POGZ: variants seen among roughly 807,000 people sequenced by gnomAD.
The protein encoded by POGZ is pogo transposable element with ZNF domain.
A neutral mutation model predicts 134.6 loss-of-function variants in POGZ; 17 were observed. That is an observed-to-expected ratio of 0.13 (90% CI 0.09 to 0.19). POGZ has a LOEUF of 0.19. Ranked by LOEUF, POGZ falls within the 10% of genes least tolerant of loss-of-function variation. The pLI is 1.00. For missense variants in POGZ, 1,306 were observed against 1,769.7 expected, an observed-to-expected ratio of 0.74 and a Z score of 4.70; for synonymous variants, 693 against 657.1, an observed-to-expected ratio of 1.05 and a Z score of -0.84.
At position 151,414,847 on chromosome 1, in the gene POGZ, A is replaced by T. The variant is rs550433891; in HGVS notation, c.1679-2451T>A. ...AAACTAGTGAGGTAGGAACTCAAAT[A>T]TAAGGGGATTTAAGAGATCTCTGGT... On this transcript the variant is annotated intron_variant, in intron 10 of 18. Transcript: ENST00000271715. Among the ~76,000 whole-genome samples, 63 of 152,334 alleles carry T rather than the reference A, an allele frequency of 4.1e-4. 2 individuals carry two copies. In the South Asian group the frequency reaches 0.013, roughly 31 times the overall value.
chr1:151,411,811 T>C (rs199610918), intron 11 of POGZ, 40 bp from the exon 12 acceptor site: 14 of 1,553,224 alleles, frequency 9.0e-6, no homozygotes, highest in Admixed American at 6.0e-5. Context: ...AAGAATGAAG[T>C]GAACAACTGA....
In POGZ at chr1:151,405,803, G is replaced by T; in HGVS notation, c.3232C>A (p.Arg1078=). ...CGGGCATGGGGAGTCAGGTGGTGCC[G>T]CAGCATGAAACGCACAGCCCACTCA... ...SYEWAVRFML[R]HHLTPHARRA... Residue 1078 remains arginine, a synonymous_variant, in exon 19 of 19, where the codon CGG becomes AGG. Transcript: ENST00000271715. This position sits in a 1 kb window ranked among gnomAD's most constrained non-coding sequence, Gnocchi z 4.9. 3 of 1,614,150 alleles carry T rather than the reference G, an allele frequency of 1.9e-6. No homozygotes were observed. Among genetic ancestry groups the T allele is most frequent in the Non-Finnish European group, 2.5e-6 (3 of 1,180,026 alleles).
At chr1:151,427,498 T>G in intron 7 of POGZ, 1 of 307,324 alleles carries the variant, frequency 3.3e-6, no homozygotes, top group South Asian at 3.3e-5. Flanking sequence ...ATTCTCAACC[T>G]GAAGATCTCT....
At chr1:151,457,230 C>G (rs1423911788) in intron 1 of POGZ, among the ~76,000 whole-genome samples, 1 of 152,186 alleles carries the variant, frequency 6.6e-6, no homozygotes, top group East Asian at 1.9e-4. Context: ...GTTTGAGATA[C>G]ACCACCAACA....
At position 151,424,998 on chromosome 1, in the gene POGZ, T is replaced by C; in HGVS notation, c.1142A>G (p.Asn381Ser). ...AGCTTCAGTAACACGAAATTGAGCA[T>C]TACATCGTGGACATATTTTCCGTCC... ...DGGRKICPRC[N>S]AQFRVTEALR... The change falls in exon 8 of 19, where the codon AAT (asparagine) becomes AGT (serine). Residue 381 changes from asparagine (N) to serine (S), a missense_variant. Physicochemically the swap from Asn to Ser is conservative, Grantham distance 46 (BLOSUM62 1). This residue lies in a region of POGZ where 541 missense variants were observed against 680.5 expected (regional missense o/e 0.80). Transcript: ENST00000271715. 6.3e-7 allele frequency: 1 copy of C among 1,599,014 alleles called. No homozygotes were observed. Among genetic ancestry groups the C allele is most frequent in the Non-Finnish European group, 8.5e-7 (1 of 1,169,852 alleles).
chr1:151,404,892 A>C lies in POGZ; in HGVS notation c.4143T>G (p.Pro1381=). 1 of 1,614,190 alleles carries C rather than the reference A, an allele frequency of 6.2e-7. No individual in the cohort carries two copies. Among genetic ancestry groups the C allele is most frequent in the Non-Finnish European group, 8.5e-7 (1 of 1,180,038 alleles). The stretch of plus-strand genomic sequence containing the variant: ...CCTCAAAGAGCTGGTGAAGACTTTC[A>C]GGCTCAATTGTCTCTTCAGGAGATG... The part of the protein sequence containing the change: ...PRSSPEETIE[P]ESLHQLFEGE... Residue 1381 remains proline (P), a synonymous_variant, in exon 19 of 19, where the codon CCT becomes CCG. Coordinates refer to ENST00000271715, the MANE Select transcript of POGZ (RefSeq NM_015100.4).
rs957866934 is a variant in POGZ at position 151,440,791 on chromosome 1, G to A, written c.283+137C>T. ...CTACAGAAATCACTTCCGTATCAGA[G>A]AATCATTACTAAATTCATTTTCCAA... is the stretch of plus-strand genomic sequence containing the variant. On this transcript the variant is annotated intron_variant, in intron 3 of 18. Transcript: ENST00000271715. 24 of 670,432 alleles carry A rather than the reference G, an allele frequency of 3.6e-5. No homozygotes were observed. The Middle Eastern group carries it at 1.1e-3, about 30-fold the overall frequency. 41.5% of individuals were successfully genotyped at this position (670,432 alleles called of 1,614,324 possible). A position where few individuals can be genotyped will look rare whatever the true frequency, so the allele number is the denominator to read the frequency against.
Position 151,447,967 on chromosome 1 carries a change from G to C in POGZ, c.-1-5762C>G, listed in dbSNP as rs7522402. Among the ~76,000 whole-genome samples, 1,348 of 152,032 alleles carry C rather than the reference G, an allele frequency of 8.9e-3. 22 individuals are homozygous for C. Among genetic ancestry groups the C allele is most frequent in the African/African-American group, 0.031 (1,287 of 41,454 alleles). On this transcript the variant is annotated intron_variant, in intron 1 of 18. Coordinates refer to ENST00000271715, the MANE Select transcript of POGZ (RefSeq NM_015100.4). ...CTTATCTCATATATTTCCTGCCCCA[G>C]ACCTAGAACCAACCATTTCTTCAAG...
chr1:151,453,495 A>C (rs1662394724), intron 1 of POGZ, among the ~76,000 whole-genome samples: 1 of 150,578 alleles, frequency 6.6e-6, no homozygotes, highest in Non-Finnish European at 1.5e-5. Context: ...AGACATAGCA[A>C]AATAGTTAAA....
intron 12 of POGZ, among the ~76,000 whole-genome samples, chr1:151,409,853 G>A (rs1654356558): frequency 6.6e-6 from 1 of 152,212 alleles, no homozygotes; most frequent in East Asian, 1.9e-4. Flanking sequence ...TGAGGATTCA[G>A]TCTGCCTAGT....
At chr1:151,441,963 T>G (rs1660604726) in intron 2 of POGZ, 118 bp downstream of exon 2, 1 of 672,222 alleles carries the variant, frequency 1.5e-6, no homozygotes, top group Non-Finnish European at 2.5e-6. Context: ...CACCAGTGAG[T>G]GCCACAACGA....
intron 10 of POGZ, 32 bp from the exon 11 acceptor site, chr1:151,412,428 T>G: frequency 8.1e-7 from 1 of 1,235,386 alleles, no homozygotes; most frequent in Non-Finnish European, 1.2e-6. Flanking sequence ...ATAAATCCAC[T>G]TGAAAATAAG....
Position 151,405,016 on chromosome 1 carries a change from G to C in POGZ, c.4019C>G (p.Thr1340Arg). ...CTCCTCCTGCATGTCAGCATTTCTT[G>C]TAGGTGAGTTAATGTTGCCATCGGG... is the stretch of plus-strand genomic sequence containing the variant. ...PGPDGNINSP[T>R]RNADMQEELI... The change falls in exon 19 of 19, where the codon ACA becomes AGA. Residue 1340 changes from threonine (T) to arginine (R), a missense_variant. Thr to Arg is a moderately conservative substitution (Grantham distance 71). This residue lies in a region of POGZ where 107 missense variants were observed against 97.9 expected (regional missense o/e 1.09). Transcript: ENST00000271715. The surrounding 1 kb of genome is among the most constrained non-coding windows in gnomAD (Gnocchi z 4.9). The C allele has an allele frequency of 6.2e-7, 1 of 1,614,164 alleles. No homozygotes were observed. The highest frequency in any genetic ancestry group is 1.1e-5 in the South Asian group (1 of 91,082).
At chr1:151,433,347 C>A (rs1659029771) in intron 3 of POGZ, among the ~76,000 whole-genome samples, 1 of 152,128 alleles carries the variant, frequency 6.6e-6, no homozygotes, top group African/African-American at 2.4e-5. Flanking sequence ...GTGGCTCATG[C>A]CTGTAATCCC....
intron 1 of POGZ, among the ~76,000 whole-genome samples, chr1:151,458,835 G>T (rs1235384931): frequency 6.9e-6 from 1 of 145,594 alleles, no homozygotes; most frequent in Non-Finnish European, 1.5e-5. Context: ...CGCGGCGGGC[G>T]CCGGGGGGCG....
intron 10 of POGZ, among the ~76,000 whole-genome samples, chr1:151,419,024 CAA>C (rs71090164): frequency 1.9e-5 from 1 of 52,160 alleles, no homozygotes; most frequent in Admixed American, 2.2e-4. Context: ...AGCTCTGTCT[CAA>C]AAAAAAAAAA....
At chr1:151,453,954 C>A (rs986930516) in intron 1 of POGZ, among the ~76,000 whole-genome samples, 22 of 152,162 alleles carry the variant, frequency 1.4e-4, no homozygotes, top group African/African-American at 5.1e-4. Context: ...ATTTAATGGG[C>A]AGCAAATGTT....
chr1:151,404,894 G>A lies in POGZ; in HGVS notation c.4141C>T (p.Pro1381Ser). ...PRSSPEETIE[P>S]ESLHQLFEGE... The stretch of plus-strand genomic sequence containing the variant: ...TCAAAGAGCTGGTGAAGACTTTCAG[G>A]CTCAATTGTCTCTTCAGGAGATGAT... The change falls in exon 19 of 19, where the codon CCT (proline) becomes TCT (serine). Residue 1381 changes from proline to serine, a missense_variant. By Grantham distance (74) the Pro-to-Ser change is moderately conservative. Transcript: ENST00000271715. The A allele has an allele frequency of 5.6e-6, 9 of 1,614,146 alleles. No homozygotes were observed. The highest frequency in any genetic ancestry group is 7.6e-6 in the Non-Finnish European group (9 of 1,180,040).
chr1:151,432,649 A>G (rs1256365232), intron 3 of POGZ, among the ~76,000 whole-genome samples: 2 of 152,182 alleles, frequency 1.3e-5, no homozygotes, highest in Non-Finnish European at 2.9e-5. Context: ...ATAATTATCA[A>G]TGTATGGCAA....
Sources: gnomAD v4.1 joint callset for allele counts (sites outside exome capture counted in the v4.1 genomes callset) on GRCh38, gnomAD v4.1.1 for gene constraint, gnomAD v4.1.1 regional missense constraint, Gnocchi (gnomAD v3.1) non-coding constraint, MANE v1.5 for transcripts, NCBI Gene and HGNC (gene_info 2026-07-23, HGNC 2026-07-21) for gene names.